CNTNAP4: variants seen among roughly 807,000 people sequenced by gnomAD.
CNTNAP4 encodes contactin-associated protein-like 4.
CNTNAP4 carries 98 observed loss-of-function variants against 148.4 expected under a neutral mutation model. The ratio of observed to expected loss-of-function variants is 0.66; its 90% CI spans 0.56 to 0.78. The LOEUF (loss-of-function observed/expected upper bound fraction) is 0.78. CNTNAP4 is among the 30% of genes least tolerant of loss of function. The probability of loss-of-function intolerance (pLI) is 0.00; values close to 1 mark genes in which losing one functional copy is unlikely to be tolerated. For synonymous variants in CNTNAP4, 730 were observed against 565.1 expected (o/e 1.29, Z -4.14); for missense variants, 1,935 against 1,565.6 (o/e 1.24, Z -3.98).
intron 3 of CNTNAP4, among the ~76,000 whole-genome samples, chr16:76,395,056 G>A (rs1437007949): frequency 6.6e-6 from 1 of 152,090 alleles, no homozygotes; most frequent in African/African-American, 2.4e-5. Flanking sequence ...AAAATTGTAT[G>A]TTTGAAACGG....
rs777625101 is a variant in CNTNAP4, at chr16:76,467,397, G to A, written c.1529G>A (p.Gly510Asp). Residue 510 changes from glycine (G) to aspartate (D), a missense_variant, in exon 10 of 24, where the codon GGT becomes GAT. Physicochemically the swap from Gly to Asp is moderately conservative, Grantham distance 94 (BLOSUM62 -1). Coordinates refer to ENST00000611870, the MANE Select transcript of CNTNAP4 (RefSeq NM_033401.5). Reference sequence around the variant, plus strand: ...GGATCCAAATGTAAAAGTCCACTTGGTGGATTTCAGGGATGTATGAGGCTC... The same window carrying A: ...GGATCCAAATGTAAAAGTCCACTTGATGGATTTCAGGGATGTATGAGGCTC... ...SFGSKCKSPL[G>D]GFQGCMRLIS... The A allele has an allele frequency of 3.1e-5, 50 of 1,613,764 alleles. No homozygotes were observed. The highest frequency in any genetic ancestry group is 4.2e-5 in the Non-Finnish European group (49 of 1,179,862).
chr16:76,378,466 A>G (rs2015647137), intron 3 of CNTNAP4, among the ~76,000 whole-genome samples: 1 of 152,166 alleles, frequency 6.6e-6, no homozygotes, highest in Non-Finnish European at 1.5e-5. Flanking sequence ...CAAGGGAAGT[A>G]TACTGTTTCT....
intron 14 of CNTNAP4, among the ~76,000 whole-genome samples, chr16:76,495,711 A>G (rs12716814): frequency 0.81 from 122,563 of 151,966 alleles, 50,727 homozygotes; most frequent in East Asian, 0.96. Flanking sequence ...TATTATTTGT[A>G]AAGTGAAAAT....
At chr16:76,297,849 A>G (rs1959474730) in intron 1 of CNTNAP4, among the ~76,000 whole-genome samples, 1 of 152,138 alleles carries the variant, frequency 6.6e-6, no homozygotes. Flanking sequence ...TTATTTTTTC[A>G]TTTTTCATAA....
chr16:76,445,095 C>G (rs1170621546), intron 4 of CNTNAP4, among the ~76,000 whole-genome samples: 1 of 152,124 alleles, frequency 6.6e-6, no homozygotes, highest in Non-Finnish European at 1.5e-5. Flanking sequence ...GTCTAGGCCT[C>G]TTGAAATTAA....
At chr16:76,350,773 G>A (rs959094979) in intron 2 of CNTNAP4, among the ~76,000 whole-genome samples, 1 of 152,172 alleles carries the variant, frequency 6.6e-6, no homozygotes, top group Non-Finnish European at 1.5e-5. Context: ...CAATACTACA[G>A]CATTTAAGAG....
At chr16:76,488,451 C>G (rs2143763579) in intron 12 of CNTNAP4, among the ~76,000 whole-genome samples, 1 of 152,188 alleles carries the variant, frequency 6.6e-6, no homozygotes, top group African/African-American at 2.4e-5. Context: ...TGAAGTTGGT[C>G]CAGCCTCATT....
At chr16:76,447,320 T>G (rs1275831959) in intron 4 of CNTNAP4, among the ~76,000 whole-genome samples, 1 of 132,508 alleles carries the variant, frequency 7.5e-6, no homozygotes, top group South Asian at 2.5e-4. Flanking sequence ...GCCTGAAAAA[T>G]TATATATATG....
intron 10 of CNTNAP4, 142 bp downstream of exon 10, chr16:76,467,665 TAAG>T: frequency 1.3e-6 from 1 of 742,414 alleles, no homozygotes; most frequent in Non-Finnish European, 2.1e-6. Context: ...ACATTAGAAA[TAAG>T]AAAAAATGCA....
chr16:76,404,418 A>G (rs2078530189), intron 3 of CNTNAP4, among the ~76,000 whole-genome samples: 3 of 152,012 alleles, frequency 2.0e-5, no homozygotes, highest in South Asian at 4.2e-4. Flanking sequence ...ACAGAGAACA[A>G]TAAAGCAATG....
At chr16:76,279,981 G>A (rs892441788) in intron 1 of CNTNAP4, among the ~76,000 whole-genome samples, 3 of 152,142 alleles carry the variant, frequency 2.0e-5, no homozygotes, top group African/African-American at 7.2e-5. Flanking sequence ...GGAATTTAGT[G>A]TAAGGACAAG....
At chr16:76,357,115 C>A (rs1279110164) in intron 3 of CNTNAP4, among the ~76,000 whole-genome samples, 1 of 150,966 alleles carries the variant, frequency 6.6e-6, no homozygotes, top group African/African-American at 2.4e-5. Flanking sequence ...TTACGTTCAA[C>A]TAATTCCATG....
rs1306806148 is a variant in CNTNAP4 at position 76,376,297 on chromosome 16, A to G, written c.390+20786A>G. Among the ~76,000 whole-genome samples the G allele has an allele frequency of 2.0e-5, 3 of 152,142 alleles. No homozygotes were observed. In the East Asian group the frequency reaches 5.8e-4, roughly 29 times the overall value. ...CTGAGTGCAGCGGTTTTCGGAAAGG[A>G]AATTTGATGTGGAGTGGAAAAGAGA... On this transcript the variant is annotated intron_variant, in intron 3 of 23. Transcript: ENST00000611870.
At chr16:76,481,073 A>G (rs2081809972) in intron 12 of CNTNAP4, among the ~76,000 whole-genome samples, 1 of 152,222 alleles carries the variant, frequency 6.6e-6, no homozygotes, top group Non-Finnish European at 1.5e-5. Context: ...AAAATAGAGA[A>G]TTTATAAACA....
intron 4 of CNTNAP4, among the ~76,000 whole-genome samples, chr16:76,439,112 C>A (rs1379655137): frequency 6.6e-6 from 1 of 152,102 alleles, no homozygotes; most frequent in African/African-American, 2.4e-5. Context: ...CGGGATGGAG[C>A]ATCCTTGAGG....
At chr16:76,324,549 G>A (rs892985652) in intron 2 of CNTNAP4, among the ~76,000 whole-genome samples, 1 of 152,182 alleles carries the variant, frequency 6.6e-6, no homozygotes, top group Non-Finnish European at 1.5e-5. Context: ...CTCAGGCACA[G>A]CATAATCTCT....
intron 8 of CNTNAP4, among the ~76,000 whole-genome samples, chr16:76,460,677 T>TGGGAGGCAGAGCTTGCA (rs2080911850): frequency 7.3e-6 from 1 of 136,080 alleles, no homozygotes; most frequent in Non-Finnish European, 1.5e-5. Context: ...GGCTTGAACC[T>TGGGAGGCAGAGCTTGCA]GGGAGGCAGA....
intron 13 of CNTNAP4, among the ~76,000 whole-genome samples, chr16:76,494,497 C>T (rs555227448): frequency 6.6e-6 from 1 of 152,158 alleles, no homozygotes; most frequent in African/African-American, 2.4e-5. Flanking sequence ...TTCCATAATG[C>T]TTTAATGGGC....
At chr16:76,395,555 C>T (rs539842267) in intron 3 of CNTNAP4, among the ~76,000 whole-genome samples, 17 of 151,470 alleles carry the variant, frequency 1.1e-4, no homozygotes, top group African/African-American at 3.6e-4. Context: ...TGAGCCACCG[C>T]GCCCGGCCAA....
Sources: gnomAD v4.1 joint callset for allele counts (sites outside exome capture counted in the v4.1 genomes callset) on GRCh38, gnomAD v4.1.1 for gene constraint, MANE v1.5 for transcripts, NCBI Gene and HGNC (gene_info 2026-07-23, HGNC 2026-07-21) for gene names.